The following ARHGAP15 variants were observed in gnomAD, a reference collection of about 807,000 sequenced individuals.
The protein encoded by ARHGAP15 is Rho GTPase activating protein 15.
ARHGAP15 carries 51 observed loss-of-function variants against 63.7 expected under a neutral mutation model. The observed-to-expected ratio is 0.80, with a 90% CI of 0.64 to 1.01. ARHGAP15 has a LOEUF of 1.01. Among genes scored for constraint, ARHGAP15 ranks in the 50% least tolerant of loss-of-function variants. ARHGAP15 has a pLI of 0.00. For synonymous variants in ARHGAP15, 191 were observed against 193.8 expected (o/e 0.99, Z 0.12); for missense variants, 560 against 564.6 (o/e 0.99, Z 0.08).
chr2:143,598,923 A>C (rs1298342696), intron 11 of ARHGAP15, among the ~76,000 whole-genome samples: 1 of 150,746 alleles, frequency 6.6e-6, no homozygotes, highest in Non-Finnish European at 1.5e-5. Context: ...TTAAAAAATA[A>C]GTTGGTTTTT....
At chr2:143,392,398 A>G (rs1231055579) in intron 6 of ARHGAP15, among the ~76,000 whole-genome samples, 1 of 152,220 alleles carries the variant, frequency 6.6e-6, no homozygotes, top group Non-Finnish European at 1.5e-5. Context: ...TATTGAAATT[A>G]TATCTTCTGA....
intron 8 of ARHGAP15, among the ~76,000 whole-genome samples, chr2:143,476,643 G>C (rs966978658): frequency 1.3e-5 from 2 of 152,162 alleles, no homozygotes; most frequent in East Asian, 3.8e-4. Context: ...AACCATGAGA[G>C]TCACAGGGTC....
At position 143,207,270 on chromosome 2, in the gene ARHGAP15, A is replaced by T. The variant is rs371168656; in HGVS notation, c.234+5068A>T. Reference sequence around the variant, plus strand: ...TCACTTTGAATATCACTAATTATAGATAATATAGTAATAGATAATAGATCT... The same window carrying T: ...TCACTTTGAATATCACTAATTATAGTTAATATAGTAATAGATAATAGATCT... On this transcript the variant is annotated intron_variant, in intron 3 of 13. Transcript: ENST00000295095. Among the ~76,000 whole-genome samples, 6 of 152,118 alleles carry T rather than the reference A, an allele frequency of 3.9e-5. No homozygotes were observed. In the East Asian group the frequency reaches 1.2e-3, roughly 29 times the overall value.
chr2:143,727,951 T>C (rs1685356973), intron 13 of ARHGAP15, among the ~76,000 whole-genome samples: 1 of 152,260 alleles, frequency 6.6e-6, no homozygotes, highest in Non-Finnish European at 1.5e-5. Flanking sequence ...GCATTCAGAC[T>C]ATACTGAATT....
At chr2:143,455,689 A>G (rs1690614154) in intron 8 of ARHGAP15, among the ~76,000 whole-genome samples, 1 of 152,142 alleles carries the variant, frequency 6.6e-6, no homozygotes, top group Non-Finnish European at 1.5e-5. Flanking sequence ...CGAATATAGT[A>G]TTTTGATCTA....
intron 11 of ARHGAP15, among the ~76,000 whole-genome samples, chr2:143,578,822 T>C (rs148175556): frequency 0.011 from 1,671 of 152,312 alleles, 30 homozygotes; most frequent in African/African-American, 0.038. Flanking sequence ...CTCTTCTGTT[T>C]GAATCTATTT....
intron 8 of ARHGAP15, among the ~76,000 whole-genome samples, chr2:143,438,334 TAAG>T (rs1029837473): frequency 3.9e-5 from 6 of 152,090 alleles, no homozygotes; most frequent in South Asian, 2.1e-4. Context: ...ATGTGTGCAT[TAAG>T]AAATATATGT....
chr2:143,243,994 T>C (rs1693957189), intron 5 of ARHGAP15, among the ~76,000 whole-genome samples: 1 of 152,220 alleles, frequency 6.6e-6, no homozygotes, highest in South Asian at 2.1e-4. Context: ...GCTTTGATTA[T>C]ACCATATGAT....
chr2:143,579,165 T>G (rs1462356893), intron 11 of ARHGAP15, among the ~76,000 whole-genome samples: 1 of 152,218 alleles, frequency 6.6e-6, no homozygotes, highest in Non-Finnish European at 1.5e-5. Flanking sequence ...AAATACAATG[T>G]ATCGCATAAT....
chr2:143,405,658 G>C (rs779528922), intron 6 of ARHGAP15, among the ~76,000 whole-genome samples: 1 of 151,690 alleles, frequency 6.6e-6, no homozygotes, highest in Non-Finnish European at 1.5e-5. Context: ...TTATTGATTG[G>C]TTGGAATCAA....
chr2:143,462,365 ATAAAAC>A (rs1419730292), intron 8 of ARHGAP15, among the ~76,000 whole-genome samples: 1 of 152,196 alleles, frequency 6.6e-6, no homozygotes, highest in Non-Finnish European at 1.5e-5. Flanking sequence ...GGGAAAAAAA[ATAAAAC>A]TAAAAGACTA....
chr2:143,159,020 T>C (rs1044904407), intron 2 of ARHGAP15, among the ~76,000 whole-genome samples: 2 of 151,800 alleles, frequency 1.3e-5, no homozygotes, highest in Non-Finnish European at 2.9e-5. Flanking sequence ...CAGGCAAGAG[T>C]AGTTTCGGCA....
chr2:143,415,893 A>G (rs1688654602), intron 6 of ARHGAP15, among the ~76,000 whole-genome samples: 1 of 152,174 alleles, frequency 6.6e-6, no homozygotes, highest in Non-Finnish European at 1.5e-5. Flanking sequence ...CAGACATCGT[A>G]TGTTCTCACT....
At chr2:143,201,276 C>A (rs547737470) in intron 2 of ARHGAP15, among the ~76,000 whole-genome samples, 1 of 151,088 alleles carries the variant, frequency 6.6e-6, no homozygotes, top group East Asian at 2.0e-4. Flanking sequence ...TGCCACCATG[C>A]CTAGCTAATT....
At chr2:143,153,815 CTT>C (rs1558779230) in intron 1 of ARHGAP15, among the ~76,000 whole-genome samples, 212 of 80,086 alleles carry the variant, frequency 2.6e-3, no homozygotes, top group African/African-American at 8.2e-3. Flanking sequence ...TCTTCTTCTT[CTT>C]CTTCTTCTTC....
At chr2:143,654,003 G>A (rs546309466) in intron 12 of ARHGAP15, among the ~76,000 whole-genome samples, 17 of 152,212 alleles carry the variant, frequency 1.1e-4, no homozygotes, top group Admixed American at 2.0e-4. Context: ...GAAATATTAC[G>A]TGTATATTTA....
chr2:143,634,142 C>A (rs1680185883), intron 12 of ARHGAP15, among the ~76,000 whole-genome samples: 1 of 152,098 alleles, frequency 6.6e-6, no homozygotes, highest in African/African-American at 2.4e-5. Flanking sequence ...CCCTGCCTTG[C>A]CCATTGCATT....
At chr2:143,561,708 G>A (rs1413388405) in intron 11 of ARHGAP15, among the ~76,000 whole-genome samples, 1 of 151,748 alleles carries the variant, frequency 6.6e-6, no homozygotes, top group South Asian at 2.1e-4. Flanking sequence ...TAGAGACAAG[G>A]TTTCACCATG....
At chr2:143,348,132 T>A (rs947663493) in intron 6 of ARHGAP15, among the ~76,000 whole-genome samples, 2 of 152,152 alleles carry the variant, frequency 1.3e-5, no homozygotes, top group Non-Finnish European at 2.9e-5. Context: ...ATTGGGGCAC[T>A]AAGGTCATAT....
Sources: gnomAD v4.1 joint callset for allele counts (sites outside exome capture counted in the v4.1 genomes callset) on GRCh38, gnomAD v4.1.1 for gene constraint, MANE v1.5 for transcripts, NCBI Gene and HGNC (gene_info 2026-07-23, HGNC 2026-07-21) for gene names.